PHGR1: variants seen among roughly 807,000 people sequenced by gnomAD.
PHGR1 encodes the protein proline, histidine and glycine rich 1.
PHGR1 carries 3 observed loss-of-function variants against 4.9 expected under a neutral mutation model. The ratio of observed to expected loss-of-function variants is 0.61; its 90% CI spans 0.28 to 1.58. PHGR1 has a LOEUF of 1.58. Ranked by LOEUF, PHGR1 falls within the 40% of genes most tolerant of loss-of-function variation. The probability of loss-of-function intolerance (pLI) is 0.11; values close to 1 mark genes in which losing one functional copy is unlikely to be tolerated. For missense variants in PHGR1, 81 were observed against 118.7 expected, an observed-to-expected ratio of 0.68 and a Z score of 1.48; for synonymous variants, 32 against 46.1, an observed-to-expected ratio of 0.69 and a Z score of 1.24.
intron 2 of PHGR1, chr15:40,353,778 T>C (rs1889246546): frequency 5.5e-6 from 1 of 183,056 alleles, no homozygotes; most frequent in African/African-American, 2.4e-5. Context: ...GGCTCCCATG[T>C]GGATTTCCTG....
chr15:40,353,325 T>G, intron 2 of PHGR1, 58 bp downstream of exon 2: 1 of 1,549,658 alleles, frequency 6.5e-7, no homozygotes. Context: ...AGGAGAGCGG[T>G]AAAGGCAGGG....
rs929925151 is a variant in PHGR1 at position 40,355,413 on chromosome 15, T to C, written c.19-660T>C. ...GCACGTATCTGTGTACATACCAAGCTTGAATATGAACCCACCCATGCACAC... is the reference window on the plus strand; with the variant it reads ...GCACGTATCTGTGTACATACCAAGCCTGAATATGAACCCACCCATGCACAC... On this transcript the variant is annotated intron_variant, in intron 3 of 3. Coordinates refer to ENST00000448599, the MANE Select transcript of PHGR1 (RefSeq NM_001145643.2). Among the ~76,000 whole-genome samples the C allele has an allele frequency of 5.3e-5, 8 of 152,282 alleles. No individual in the cohort carries two copies. In the South Asian group the frequency reaches 1.4e-3, roughly 28 times the overall value.
chr15:40,352,279 G>T (rs972696894), intron 1 of PHGR1, among the ~76,000 whole-genome samples: 4 of 152,122 alleles, frequency 2.6e-5, no homozygotes, highest in African/African-American at 9.7e-5. Context: ...AGAGGCTAGG[G>T]TTGTTGTATT....
intron 1 of PHGR1, among the ~76,000 whole-genome samples, chr15:40,353,019 T>C (rs1889228632): frequency 6.6e-6 from 1 of 152,130 alleles, no homozygotes; most frequent in Admixed American, 6.5e-5. Context: ...TGTGTCCATT[T>C]AACCCCCATG....
intron 3 of PHGR1, 89 bp from the exon 4 acceptor site, chr15:40,355,984 C>A: frequency 7.4e-7 from 1 of 1,353,020 alleles, no homozygotes; most frequent in Non-Finnish European, 1.0e-6. Context: ...ATCCTGAGTC[C>A]CCCAGGGAAG....
chr15:40,352,036 C>CA (rs1330826924), intron 1 of PHGR1, among the ~76,000 whole-genome samples: 1 of 151,916 alleles, frequency 6.6e-6, no homozygotes, highest in Non-Finnish European at 1.5e-5. Flanking sequence ...TGTGCCCAGC[C>CA]AAAAAAAATT....
At chr15:40,353,446 CAT>C (rs1310125433) in intron 2 of PHGR1, 179 bp downstream of exon 2, 9 of 738,352 alleles carry the variant, frequency 1.2e-5, no homozygotes, top group Non-Finnish European at 2.0e-5. Context: ...TACTGTAGAA[CAT>C]GTTACAGTTT....
chr15:40,354,385 T>G, intron 3 of PHGR1, 33 bp downstream of exon 3: 7 of 1,528,904 alleles, frequency 4.6e-6, no homozygotes, highest in Non-Finnish European at 6.1e-6. Context: ...CTCCCCTTTT[T>G]CCTCCCACTG....
At chr15:40,353,511 C>A in intron 2 of PHGR1, 3 of 522,230 alleles carry the variant, frequency 5.7e-6, no homozygotes, top group Non-Finnish European at 1.0e-5. Flanking sequence ...GTAGGTGCTT[C>A]TCCCACCGCA....
rs1409719086 is a variant in PHGR1, at chr15:40,356,344, A to G, written c.*41A>G. ...CAGGACACAAGATGGCAAGCCTGAG[A>G]GAATTGCCCAGCTGACCTGGAATGA... On this transcript the variant is annotated 3_prime_UTR_variant, in exon 4 of 4. Coordinates refer to ENST00000448599, the MANE Select transcript of PHGR1 (RefSeq NM_001145643.2). 61 of 1,549,648 alleles carry G rather than the reference A, an allele frequency of 3.9e-5. No individual in the cohort carries two copies. Among genetic ancestry groups the G allele is most frequent in the Non-Finnish European group, 5.3e-5 (61 of 1,146,530 alleles).
chr15:40,354,621 G>GCAGC (rs1389097757), intron 3 of PHGR1, among the ~76,000 whole-genome samples: 1 of 152,062 alleles, frequency 6.6e-6, no homozygotes, highest in Non-Finnish European at 1.5e-5. Context: ...CCCTGCCCTA[G>GCAGC]CAGCCCATCC....
rs995020299 is a variant in PHGR1 at position 40,356,404 on chromosome 15, G to A, written c.*101G>A. On this transcript the variant is annotated 3_prime_UTR_variant, in exon 4 of 4. Transcript: ENST00000448599. Reference sequence around the variant, plus strand: ...CACAATCTTCTCTTCCTAATAAACAGCCTCCTAGAGGCCACATTCTATTCT... The same window carrying A: ...CACAATCTTCTCTTCCTAATAAACAACCTCCTAGAGGCCACATTCTATTCT... The A allele has an allele frequency of 1.3e-6, 2 of 1,517,890 alleles. No individual in the cohort carries two copies. The highest frequency in any genetic ancestry group is 2.0e-5 in the Admixed American group (1 of 50,786). 94.0% of individuals were successfully genotyped at this position (1,517,890 alleles called of 1,614,324 possible).
In PHGR1 at chr15:40,356,144, GCCC is replaced by G. The variant is rs1176943613; in HGVS notation, c.91_93del (p.Pro31del). ...GGCCACCCCCTGGCCATGGCCCAGG[GCCC>G]TGCGGGCCACCCCCCCACCATGGTC... On this transcript the variant is annotated inframe_deletion, in exon 4 of 4. Coordinates refer to ENST00000448599, the MANE Select transcript of PHGR1 (RefSeq NM_001145643.2). The G allele has an allele frequency of 6.5e-7, 1 of 1,540,906 alleles. No individual in the cohort carries two copies. The highest frequency in any genetic ancestry group is 2.5e-5 in the East Asian group (1 of 40,548).
In PHGR1 at chr15:40,356,224, C is replaced by T. The variant is rs907977842; in HGVS notation, c.170C>T (p.Pro57Leu). ...PGHGPGPCGP[P>L]PHHGPGPCGP... is the part of the protein sequence containing the mutation. ...CATGGCCCAGGGCCCTGCGGGCCAC[C>T]CCCCCACCATGGTCCAGGGCCCTGC... The change falls in exon 4 of 4, where the codon CCC becomes CTC. Residue 57 changes from proline to leucine, a missense_variant. Physicochemically the swap from Pro to Leu is moderately conservative, Grantham distance 98. Transcript: ENST00000448599. 6.6e-7 allele frequency: 1 copy of T among 1,522,818 alleles called. No individual in the cohort carries two copies. The highest frequency in any genetic ancestry group is 2.1e-5 in the Admixed American group (1 of 48,548). 94.3% of individuals were successfully genotyped at this position (1,522,818 alleles called of 1,614,324 possible).
rs372016029 is a variant in PHGR1 at position 40,352,496 on chromosome 15, G to A, written c.-26-736G>A. Among the ~76,000 whole-genome samples the A allele has an allele frequency of 1.4e-3, 206 of 152,274 alleles. 2 individuals are homozygous for A. The South Asian group carries it at 0.042, about 31-fold the overall frequency. On this transcript the variant is annotated intron_variant, in intron 1 of 3. Transcript: ENST00000448599. Reference sequence around the variant, plus strand: ...AAGACATGGCCAGCCTTGGCACCACGTTACCTCAGCAGCTCCATCTCATGA... The same window carrying A: ...AAGACATGGCCAGCCTTGGCACCACATTACCTCAGCAGCTCCATCTCATGA...
At chr15:40,355,064 G>A (rs1889269738) in intron 3 of PHGR1, among the ~76,000 whole-genome samples, 1 of 152,122 alleles carries the variant, frequency 6.6e-6, no homozygotes, top group South Asian at 2.1e-4. Context: ...GACAGTGGGA[G>A]CATAGCCCCG....
intron 1 of PHGR1, among the ~76,000 whole-genome samples, chr15:40,352,044 AT>A (rs1390146222): frequency 1.3e-5 from 2 of 152,122 alleles, no homozygotes; most frequent in Non-Finnish European, 2.9e-5. Flanking sequence ...GCCAAAAAAA[AT>A]TTTTTTAATT....
intron 1 of PHGR1, 120 bp from the exon 2 acceptor site, chr15:40,353,112 T>G (rs1036031036): frequency 1.8e-3 from 152 of 86,014 alleles, no homozygotes; most frequent in African/African-American, 5.4e-3. Context: ...CTTTGAAGGG[T>G]GTGTGTGTGT....
intron 2 of PHGR1, 55 bp from the exon 3 acceptor site, chr15:40,354,290 A>T: frequency 6.6e-7 from 1 of 1,524,986 alleles, no homozygotes; most frequent in Non-Finnish European, 8.8e-7. Context: ...GTTTTTTTTT[A>T]CTGCAGAACC....
Sources: gnomAD v4.1 joint callset for allele counts (sites outside exome capture counted in the v4.1 genomes callset) on GRCh38, gnomAD v4.1.1 for gene constraint, MANE v1.5 for transcripts, NCBI Gene and HGNC (gene_info 2026-07-23, HGNC 2026-07-21) for gene names.